Variants in GNAL observed in about 807,000 individuals in gnomAD.
GNAL encodes the protein G protein subunit alpha L, also known as guanine nucleotide-binding protein G(olf) subunit alpha.
GNAL carries 18 observed loss-of-function variants against 55.1 expected under a neutral mutation model. The ratio of observed to expected loss-of-function variants is 0.33; its 90% CI spans 0.23 to 0.48. GNAL has a LOEUF of 0.48. Among genes scored for constraint, GNAL ranks in the 20% least tolerant of loss-of-function variants. The pLI, the probability that GNAL is intolerant of heterozygous loss-of-function variation, is 0.99. For missense variants in GNAL, 412 were observed against 614.1 expected, an observed-to-expected ratio of 0.67 and a Z score of 3.48; for synonymous variants, 253 against 237.0, an observed-to-expected ratio of 1.07 and a Z score of -0.62.
intron 1 of GNAL, among the ~76,000 whole-genome samples, chr18:11,729,544 G>A (rs534799773): frequency 4.1e-4 from 63 of 152,134 alleles, no homozygotes; most frequent in African/African-American, 1.4e-3. Flanking sequence ...GTTTCCACTC[G>A]TTTTATTATG....
chr18:11,826,169 A>T (rs1397766491), intron 5 of GNAL, among the ~76,000 whole-genome samples: 1 of 151,920 alleles, frequency 6.6e-6, no homozygotes, highest in Non-Finnish European at 1.5e-5. Context: ...ACCATCCCCC[A>T]TGGGATGGGC....
intron 4 of GNAL, among the ~76,000 whole-genome samples, chr18:11,805,853 G>C (rs112001298): frequency 1.4e-4 from 22 of 152,092 alleles, no homozygotes; most frequent in Non-Finnish European, 2.2e-4. Flanking sequence ...CTTTTCCTTT[G>C]GATATATACC....
intron 7 of GNAL, among the ~76,000 whole-genome samples, chr18:11,866,238 C>T (rs754830287): frequency 1.3e-5 from 2 of 150,254 alleles, no homozygotes; most frequent in Non-Finnish European, 2.9e-5. Context: ...CTCATCAGCT[C>T]ATCCATTTTC....
chr18:11,834,816 A>G (rs2035465085), intron 5 of GNAL, among the ~76,000 whole-genome samples: 1 of 152,194 alleles, frequency 6.6e-6, no homozygotes, highest in Admixed American at 6.5e-5. Flanking sequence ...GATAAACGTT[A>G]TATTTATAGC....
chr18:11,851,012 T>G (rs765021481), intron 5 of GNAL, among the ~76,000 whole-genome samples: 7 of 152,224 alleles, frequency 4.6e-5, no homozygotes, highest in Non-Finnish European at 1.0e-4. Flanking sequence ...CAAGCGTTAG[T>G]GCGAAGACCT....
In GNAL at chr18:11,747,111, G is replaced by A. The variant is rs891916561; in HGVS notation, c.377-5742G>A. 3.4e-5 allele frequency: 14 copies of A among 416,814 alleles called. No homozygotes were observed. The East Asian group carries it at 3.5e-4, about 10-fold the overall frequency. 25.8% of individuals were successfully genotyped at this position (416,814 alleles called of 1,614,324 possible). Reference sequence around the variant, plus strand: ...GCTCTATTTGTTTGGTGTTCTCAGCGCAGATCGAACTGCCCACGCTGCCCA... The same window carrying A: ...GCTCTATTTGTTTGGTGTTCTCAGCACAGATCGAACTGCCCACGCTGCCCA... On this transcript the variant is annotated intron_variant, in intron 1 of 11. Coordinates refer to ENST00000334049, the MANE Select transcript of GNAL (RefSeq NM_182978.4).
At chr18:11,703,179 G>A (rs868116614) in intron 1 of GNAL, among the ~76,000 whole-genome samples, 4 of 152,174 alleles carry the variant, frequency 2.6e-5, no homozygotes, top group African/African-American at 7.2e-5. Context: ...TCTTAAAATC[G>A]ACAAGTTTGA....
At chr18:11,763,128 G>A (rs550484817) in intron 4 of GNAL, among the ~76,000 whole-genome samples, 2 of 152,132 alleles carry the variant, frequency 1.3e-5, no homozygotes, top group South Asian at 4.2e-4. Context: ...TTTTTATTTT[G>A]AAGTGATTTT....
intron 4 of GNAL, among the ~76,000 whole-genome samples, chr18:11,788,666 G>A (rs1390618860): frequency 6.6e-6 from 1 of 151,768 alleles, no homozygotes; most frequent in African/African-American, 2.4e-5. Context: ...GAGGTCAGGA[G>A]TTCGAGACCA....
intron 4 of GNAL, among the ~76,000 whole-genome samples, chr18:11,760,661 G>A (rs1047109832): frequency 3.3e-5 from 5 of 152,160 alleles, no homozygotes; most frequent in African/African-American, 1.2e-4. Flanking sequence ...CTTCCCCTGG[G>A]TCTTCATAGG....
chr18:11,746,660 T>C (rs1306908764), intron 1 of GNAL: 4 of 250,580 alleles, frequency 1.6e-5, no homozygotes, highest in Non-Finnish European at 3.2e-5. Context: ...AAGGACAATT[T>C]TGACGACAGA....
chr18:11,694,141 T>C (rs1396893636), intron 1 of GNAL, among the ~76,000 whole-genome samples: 4 of 152,152 alleles, frequency 2.6e-5, no homozygotes, highest in Non-Finnish European at 5.9e-5. Context: ...TGAGCCATTG[T>C]GTCCAGTCAA....
chr18:11,743,054 C>T (rs762195857), intron 1 of GNAL, among the ~76,000 whole-genome samples: 4 of 152,188 alleles, frequency 2.6e-5, no homozygotes, highest in African/African-American at 7.2e-5. Context: ...TTGGACTCTA[C>T]GAACCATCTT....
intron 1 of GNAL, among the ~76,000 whole-genome samples, chr18:11,743,427 A>G (rs2032622380): frequency 6.6e-6 from 1 of 152,172 alleles, no homozygotes; most frequent in Admixed American, 6.5e-5. Context: ...ACTTTATACT[A>G]AAATATGTTT....
chr18:11,743,658 C>G (rs1180131554), intron 1 of GNAL, among the ~76,000 whole-genome samples: 1 of 152,192 alleles, frequency 6.6e-6, no homozygotes, highest in East Asian at 1.9e-4. Flanking sequence ...TGAAACTTCA[C>G]TTTGGTATTA....
Position 11,753,909 on chromosome 18 carries a change from G to A in GNAL, c.588G>A (p.Lys196=), listed in dbSNP as rs762981193. 6.2e-7 allele frequency: 1 copy of A among 1,609,784 alleles called. No homozygotes were observed. The highest frequency in any genetic ancestry group is 8.5e-7 in the Non-Finnish European group (1 of 1,176,116). The change falls in exon 4 of 12, where the codon AAG becomes AAA. Residue 196 remains lysine (K), a synonymous_variant. Transcript: ENST00000334049. The stretch of plus-strand genomic sequence containing the variant: ...ACCAATTTCGATCAGACTACATCAA[G>A]AGCATAGCCCCTATCACTGACTTTG... ...PENQFRSDYI[K]SIAPITDFEY... is the part of the protein sequence containing the mutation.
At chr18:11,792,270 C>G (rs542285908) in intron 4 of GNAL, among the ~76,000 whole-genome samples, 5 of 152,246 alleles carry the variant, frequency 3.3e-5, no homozygotes, top group Non-Finnish European at 7.4e-5. Context: ...ACTGCAACTT[C>G]TACCTCCCGA....
chr18:11,828,136 C>A (rs2035295842), intron 5 of GNAL, among the ~76,000 whole-genome samples: 1 of 152,204 alleles, frequency 6.6e-6, no homozygotes, highest in South Asian at 2.1e-4. Flanking sequence ...AACTCCAATG[C>A]AGTCTGAGCA....
intron 10 of GNAL, 111 bp downstream of exon 10, chr18:11,872,509 A>G (rs2036419854): frequency 4.0e-6 from 3 of 748,448 alleles, no homozygotes; most frequent in South Asian, 3.4e-5. Context: ...ACTTTATTTA[A>G]ATCAATTTTC....
Sources: gnomAD v4.1 joint callset for allele counts (sites outside exome capture counted in the v4.1 genomes callset) on GRCh38, gnomAD v4.1.1 for gene constraint, MANE v1.5 for transcripts, NCBI Gene and HGNC (gene_info 2026-07-23, HGNC 2026-07-21) for gene names.